FAM227B: variants seen among roughly 807,000 people sequenced by gnomAD.
FAM227B encodes family with sequence similarity 227 member B.
A neutral mutation model predicts 73.8 loss-of-function variants in FAM227B; 88 were observed. The ratio of observed to expected loss-of-function variants is 1.19; its 90% CI spans 1.00 to 1.42. The LOEUF is 1.42. FAM227B is among the 40% of genes most tolerant of loss of function. The pLI is 0.00. For synonymous variants in FAM227B, 210 were observed against 190.5 expected, an observed-to-expected ratio of 1.10 and a Z score of -0.84; for missense variants, 632 against 590.9, an observed-to-expected ratio of 1.07 and a Z score of -0.72.
At chr15:49,333,254 C>A (rs1225957968) in intron 14 of FAM227B, among the ~76,000 whole-genome samples, 1 of 152,114 alleles carries the variant, frequency 6.6e-6, no homozygotes, top group African/African-American at 2.4e-5. Context: ...CATTACTAAT[C>A]CTCCCTCTTT....
At chr15:49,466,102 G>A (rs2054245928) in intron 11 of FAM227B, among the ~76,000 whole-genome samples, 1 of 152,178 alleles carries the variant, frequency 6.6e-6, no homozygotes, top group African/African-American at 2.4e-5. Flanking sequence ...GATGACAACA[G>A]ATTAGGAAAC....
intron 10 of FAM227B, among the ~76,000 whole-genome samples, chr15:49,528,446 G>T (rs1307720444): frequency 1.3e-5 from 2 of 151,708 alleles, no homozygotes; most frequent in Non-Finnish European, 3.0e-5. Context: ...CTTGGGCAAA[G>T]AATTTATGAC....
At chr15:49,342,210 C>A (rs1198156555) in intron 13 of FAM227B, among the ~76,000 whole-genome samples, 2 of 152,096 alleles carry the variant, frequency 1.3e-5, no homozygotes, top group East Asian at 3.9e-4. Context: ...TCTGGGTGAT[C>A]CAATGCTGGG....
chr15:49,608,580 A>G (rs1009811795), intron 3 of FAM227B, among the ~76,000 whole-genome samples: 1 of 152,114 alleles, frequency 6.6e-6, no homozygotes, highest in African/African-American at 2.4e-5. Flanking sequence ...AAGCTTTGAT[A>G]TAAGGATTTA....
At chr15:49,376,691 T>C (rs1469917761) in intron 11 of FAM227B, among the ~76,000 whole-genome samples, 2 of 152,100 alleles carry the variant, frequency 1.3e-5, no homozygotes, top group African/African-American at 4.8e-5. Flanking sequence ...TTGTAGACCA[T>C]TTTGGGGAGT....
intron 9 of FAM227B, among the ~76,000 whole-genome samples, chr15:49,554,890 C>T (rs972026034): frequency 6.6e-6 from 1 of 152,120 alleles, no homozygotes; most frequent in African/African-American, 2.4e-5. Context: ...CCTGTTTTAT[C>T]TTAAACTAGA....
chr15:49,484,517 T>G (rs1448757628), intron 11 of FAM227B: 2 of 1,357,548 alleles, frequency 1.5e-6, no homozygotes, highest in Middle Eastern at 2.6e-4. Context: ...GCATATGGTA[T>G]ATAAAGAACC....
chr15:49,607,357 T>C (rs773560073), intron 3 of FAM227B, among the ~76,000 whole-genome samples: 24 of 152,138 alleles, frequency 1.6e-4, no homozygotes, highest in Non-Finnish European at 2.9e-4. Context: ...TTTTCCAGCA[T>C]TGAAATCTGG....
intron 11 of FAM227B, among the ~76,000 whole-genome samples, chr15:49,390,981 T>C (rs1405712804): frequency 2.0e-5 from 3 of 152,056 alleles, no homozygotes; most frequent in Admixed American, 6.6e-5. Context: ...GATTCAGGAC[T>C]AGTTCTAGTT....
At chr15:49,592,318 C>G (rs1221390688) in intron 3 of FAM227B, among the ~76,000 whole-genome samples, 1 of 152,166 alleles carries the variant, frequency 6.6e-6, no homozygotes, top group Non-Finnish European at 1.5e-5. Context: ...TAACTTTGGT[C>G]TTTGATGTTG....
At chr15:49,428,655 A>G (rs1165846081) in intron 11 of FAM227B, among the ~76,000 whole-genome samples, 2 of 151,992 alleles carry the variant, frequency 1.3e-5, no homozygotes, top group Non-Finnish European at 2.9e-5. Flanking sequence ...CAGATGTGGA[A>G]GACAGAATCC....
At chr15:49,582,384 G>C (rs1463382621) in intron 5 of FAM227B, among the ~76,000 whole-genome samples, 2 of 151,978 alleles carry the variant, frequency 1.3e-5, no homozygotes, top group African/African-American at 2.4e-5. Context: ...AAAAGACAAG[G>C]GAATTACATA....
chr15:49,414,861 G>A (rs901395680), intron 11 of FAM227B, among the ~76,000 whole-genome samples: 1 of 152,126 alleles, frequency 6.6e-6, no homozygotes, highest in Non-Finnish European at 1.5e-5. Flanking sequence ...ATAAGTTGTA[G>A]CTGAGGATAG....
chr15:49,366,302 G>A, intron 13 of FAM227B: 1 of 788,090 alleles, frequency 1.3e-6, no homozygotes, highest in African/African-American at 1.7e-5. Context: ...AGGAAATTCA[G>A]ATCTGTTACC....
chr15:49,391,761 T>C (rs985022857), intron 11 of FAM227B, among the ~76,000 whole-genome samples: 3 of 152,158 alleles, frequency 2.0e-5, no homozygotes, highest in Non-Finnish European at 4.4e-5. Flanking sequence ...AACCAATGTA[T>C]TAATATAACC....
chr15:49,402,413 A>C (rs1411472560), intron 11 of FAM227B, among the ~76,000 whole-genome samples: 1 of 152,228 alleles, frequency 6.6e-6, no homozygotes, highest in African/African-American at 2.4e-5. Context: ...ATCCATGAGC[A>C]TGGAAGGTTT....
At chr15:49,559,533 C>T (rs1014115348) in intron 9 of FAM227B, among the ~76,000 whole-genome samples, 23 of 152,090 alleles carry the variant, frequency 1.5e-4, no homozygotes, top group East Asian at 1.9e-4. Context: ...AACCAGCCCA[C>T]GGAAGTGCAT....
intron 11 of FAM227B, among the ~76,000 whole-genome samples, chr15:49,489,860 T>TATATATA (rs2056864120): frequency 1.5e-4 from 1 of 6,796 alleles, no homozygotes; most frequent in African/African-American, 3.3e-4. Flanking sequence ...TATATATATT[T>TATATATA]TATATATATA....
intron 8 of FAM227B, among the ~76,000 whole-genome samples, chr15:49,573,911 T>C (rs2075283358): frequency 6.6e-6 from 1 of 152,204 alleles, no homozygotes; most frequent in African/African-American, 2.4e-5. Flanking sequence ...GTATTTCTCT[T>C]TGAAGTATTA....
Sources: gnomAD v4.1 joint callset for allele counts (sites outside exome capture counted in the v4.1 genomes callset) on GRCh38, gnomAD v4.1.1 for gene constraint, MANE v1.5 for transcripts, NCBI Gene and HGNC (gene_info 2026-07-23, HGNC 2026-07-21) for gene names.